Variants in PSMB3 observed in about 807,000 individuals in gnomAD.
PSMB3 encodes the protein proteasome 20S subunit beta 3.
A neutral mutation model predicts 23.3 loss-of-function variants in PSMB3; 5 were observed. The observed-to-expected ratio is 0.21, with a 90% CI of 0.11 to 0.45. The LOEUF is 0.45. PSMB3 is among the 20% of genes least tolerant of loss of function. The pLI is 0.99. For synonymous variants in PSMB3, 85 were observed against 99.8 expected (o/e 0.85, Z 0.88); for missense variants, 192 against 277.9 (o/e 0.69, Z 2.20).
chr17:38,756,373 G>T (rs1289953532), intron 3 of PSMB3, among the ~76,000 whole-genome samples: 2 of 152,146 alleles, frequency 1.3e-5, no homozygotes, highest in East Asian at 1.9e-4. Context: ...GGGCTTTATG[G>T]TGAGAAACAA....
rs890692929 is a variant in PSMB3 at position 38,760,414 on chromosome 17, G to C, written c.297-17G>C. The C allele has an allele frequency of 6.2e-7, 1 of 1,612,058 alleles. No individual in the cohort carries two copies. The highest frequency in any genetic ancestry group is 1.7e-5 in the Admixed American group (1 of 59,710). ...TTCTTGAGTTCTGGTTTCTCTCTCT[G>C]ATGCTGGCCCCCACAGGTTTGGCCC... On this transcript the variant is annotated splice_polypyrimidine_tract_variant and intron_variant, in intron 3 of 5. Coordinates refer to ENST00000619426, the MANE Select transcript of PSMB3 (RefSeq NM_002795.4).
chr17:38,761,807 G>A (rs1282861363), intron 4 of PSMB3, among the ~76,000 whole-genome samples: 1 of 152,208 alleles, frequency 6.6e-6, no homozygotes, highest in Admixed American at 6.5e-5. Flanking sequence ...TTAGGTGGAC[G>A]TGACAGGCTG....
chr17:38,761,985 A>C, intron 4 of PSMB3: 1 of 161,534 alleles, frequency 6.2e-6, no homozygotes, highest in Non-Finnish European at 1.3e-5. Flanking sequence ...TGTAGAAGGA[A>C]CAGGTTTGGG....
intron 3 of PSMB3, among the ~76,000 whole-genome samples, chr17:38,757,187 C>T (rs1242992699): frequency 6.6e-6 from 1 of 150,848 alleles, no homozygotes; most frequent in Non-Finnish European, 1.5e-5. Flanking sequence ...TGCAAAAAGT[C>T]TTATAAAGTT....
At chr17:38,761,761 G>C (rs1360118848) in intron 4 of PSMB3, among the ~76,000 whole-genome samples, 4 of 152,218 alleles carry the variant, frequency 2.6e-5, no homozygotes, top group Non-Finnish European at 5.9e-5. Flanking sequence ...TTTGAACTCT[G>C]TCCTCTGCCA....
chr17:38,753,455 C>T, intron 2 of PSMB3, 121 bp downstream of exon 2: 8 of 1,050,532 alleles, frequency 7.6e-6, no homozygotes, highest in Non-Finnish European at 8.1e-6. Flanking sequence ...GAGACTTTGC[C>T]GCCTCCAAAA....
At chr17:38,754,134 G>A (rs1236386468) in intron 2 of PSMB3, among the ~76,000 whole-genome samples, 1 of 152,186 alleles carries the variant, frequency 6.6e-6, no homozygotes, top group Non-Finnish European at 1.5e-5. Context: ...CTAGAAGGTG[G>A]AGAGACTAGC....
At chr17:38,758,257 A>C (rs1345596968) in intron 3 of PSMB3, among the ~76,000 whole-genome samples, 1 of 152,148 alleles carries the variant, frequency 6.6e-6, no homozygotes, top group Admixed American at 6.5e-5. Context: ...AGTAGCTAAG[A>C]ATCCAGAATT....
At position 38,752,962 on chromosome 17, in the gene PSMB3, G is replaced by A. The variant is rs989095167; in HGVS notation, c.3+133G>A. On this transcript the variant is annotated intron_variant, in intron 1 of 5. Transcript: ENST00000619426. The surrounding 1 kb of genome is among the most constrained non-coding windows in gnomAD (Gnocchi z 5.5). Reference sequence around the variant, plus strand: ...TTTCAGTTCGAGGGGAGCGGGCCCCGGTGAGGACCAAGAGGGTGAGTGCGG... The same window carrying A: ...TTTCAGTTCGAGGGGAGCGGGCCCCAGTGAGGACCAAGAGGGTGAGTGCGG... 27 of 1,392,290 alleles carry A rather than the reference G, an allele frequency of 1.9e-5. No individual in the cohort carries two copies. In the South Asian group the frequency reaches 2.4e-4, roughly 13 times the overall value. The allele number at this position is 1,392,290 out of a possible 1,614,324, so 86.2% of individuals were successfully genotyped here. A position where few individuals can be genotyped will look rare whatever the true frequency, so the allele number is the denominator to read the frequency against.
chr17:38,757,567 A>G (rs1412725381), intron 3 of PSMB3, among the ~76,000 whole-genome samples: 6 of 151,648 alleles, frequency 4.0e-5, no homozygotes, highest in Non-Finnish European at 8.8e-5. Context: ...CTGTAATCCC[A>G]GCACTTTGGG....
chr17:38,758,493 C>T (rs1442043968), intron 3 of PSMB3, among the ~76,000 whole-genome samples: 2 of 152,150 alleles, frequency 1.3e-5, no homozygotes, highest in South Asian at 2.1e-4. Context: ...GTGCATGCCA[C>T]CATGCCTGGC....
intron 3 of PSMB3, among the ~76,000 whole-genome samples, chr17:38,758,827 A>T (rs1421396226): frequency 6.6e-6 from 1 of 152,196 alleles, no homozygotes; most frequent in East Asian, 1.9e-4. Context: ...TGGGTGGATC[A>T]CAAGGTCAGG....
chr17:38,762,713 G>A (rs1262138454), intron 5 of PSMB3, among the ~76,000 whole-genome samples: 2 of 152,194 alleles, frequency 1.3e-5, no homozygotes, highest in African/African-American at 4.8e-5. Flanking sequence ...CTTGTCAGGT[G>A]AGGTTCTGTG....
At position 38,752,753 on chromosome 17, in the gene PSMB3, G is replaced by C. The variant is rs574534550; in HGVS notation, c.-74G>C. The stretch of plus-strand genomic sequence containing the variant: ...CCAATGAAGAGACAGCAGTGAGAGC[G>C]GTTGCGCAGTGAAGGCTAGACCCGG... On this transcript the variant is annotated 5_prime_UTR_variant, in exon 1 of 6. Transcript: ENST00000619426. The surrounding 1 kb of genome is among the most constrained non-coding windows in gnomAD (Gnocchi z 5.5). The C allele has an allele frequency of 9.5e-6, 15 of 1,571,842 alleles. No homozygotes were observed. The East Asian group carries it at 2.7e-4, about 28-fold the overall frequency.
At position 38,752,884 on chromosome 17, in the gene PSMB3, G is replaced by T; in HGVS notation, c.3+55G>T. ...TGGGGAAGGATTGAGAAGCGGAGGG[G>T]GTCAGGAGAGGCTTGGGGACGAAAA... On this transcript the variant is annotated intron_variant, in intron 1 of 5. Coordinates refer to ENST00000619426, the MANE Select transcript of PSMB3 (RefSeq NM_002795.4). The surrounding 1 kb of genome is among the most constrained non-coding windows in gnomAD (Gnocchi z 5.5). 1 of 1,610,142 alleles carries T rather than the reference G, an allele frequency of 6.2e-7. No individual in the cohort carries two copies.
In PSMB3 at chr17:38,757,675, C is replaced by T. The variant is rs375285137; in HGVS notation, c.296+1685C>T. On this transcript the variant is annotated intron_variant, in intron 3 of 5. Coordinates refer to ENST00000619426, the MANE Select transcript of PSMB3 (RefSeq NM_002795.4). ...AATAAAAATGCAAAAATTAGCTGGG[C>T]GTGGTGGCACACACCGGTAATCCCA... Among the ~76,000 whole-genome samples, 26 of 152,140 alleles carry T rather than the reference C, an allele frequency of 1.7e-4. No individual in the cohort carries two copies. In the South Asian group the frequency reaches 5.0e-3, roughly 29 times the overall value.
chr17:38,752,785 G>A lies in PSMB3; in HGVS notation c.-42G>A, dbSNP rs763016873. 6.3e-5 allele frequency: 101 copies of A among 1,613,824 alleles called. No homozygotes were observed. The highest frequency in any genetic ancestry group is 2.5e-5 in the Non-Finnish European group (30 of 1,179,690). On this transcript the variant is annotated 5_prime_UTR_variant, in exon 1 of 6. Transcript: ENST00000619426. The surrounding 1 kb of genome is among the most constrained non-coding windows in gnomAD (Gnocchi z 5.5). ...CAGTGAAGGCTAGACCCGGTTTACTGGAATTGCTCTGGCGATCGAGGGATC... is the reference window on the plus strand; with the variant it reads ...CAGTGAAGGCTAGACCCGGTTTACTAGAATTGCTCTGGCGATCGAGGGATC...
intron 2 of PSMB3, among the ~76,000 whole-genome samples, chr17:38,753,693 A>G (rs950126206): frequency 1.4e-4 from 22 of 152,072 alleles, no homozygotes; most frequent in South Asian, 8.3e-4. Flanking sequence ...TGGCCAGGCT[A>G]GTTTCGAACT....
At chr17:38,755,646 T>TAAA (rs66894167) in intron 2 of PSMB3, among the ~76,000 whole-genome samples, 1,215 of 66,164 alleles carry the variant, frequency 0.018, 15 homozygotes, top group East Asian at 0.021. Flanking sequence ...AGACTCCGTC[T>TAAA]AAAAAAAAAA....
Sources: gnomAD v4.1 joint callset for allele counts (sites outside exome capture counted in the v4.1 genomes callset) on GRCh38, gnomAD v4.1.1 for gene constraint, Gnocchi (gnomAD v3.1) non-coding constraint, MANE v1.5 for transcripts, NCBI Gene and HGNC (gene_info 2026-07-23, HGNC 2026-07-21) for gene names.